DOP1A: variants seen among roughly 807,000 people sequenced by gnomAD.
The protein encoded by DOP1A is protein DOP1A.
A neutral mutation model predicts 267.6 loss-of-function variants in DOP1A; 90 were observed. The observed-to-expected ratio is 0.34, with a 90% CI of 0.28 to 0.40. The LOEUF (loss-of-function observed/expected upper bound fraction) is 0.40, where lower values mean the gene tolerates loss of function less well. Ranked by LOEUF, DOP1A falls within the 10% of genes least tolerant of loss-of-function variation. The pLI, the probability that DOP1A is intolerant of heterozygous loss-of-function variation, is 1.00. For synonymous variants in DOP1A, 932 were observed against 999.1 expected, an observed-to-expected ratio of 0.93 and a Z score of 1.27; for missense variants, 2,437 against 2,900.4, an observed-to-expected ratio of 0.84 and a Z score of 3.67.
intron 1 of DOP1A, among the ~76,000 whole-genome samples, chr6:83,089,330 G>A (rs957552373): frequency 6.6e-6 from 1 of 152,178 alleles, no homozygotes; most frequent in African/African-American, 2.4e-5. Flanking sequence ...ATGCTATAAA[G>A]TGTAAAAACA....
Position 83,138,342 on chromosome 6 carries a change from G to T in DOP1A, c.4300G>T (p.Asp1434Tyr), listed in dbSNP as rs760849989. 1.4e-5 allele frequency: 23 copies of T among 1,611,434 alleles called. No individual in the cohort carries two copies. Among genetic ancestry groups the T allele is most frequent in the Non-Finnish European group, 1.8e-5 (21 of 1,179,930 alleles). Residue 1434 changes from aspartate to tyrosine, a missense_variant, in exon 21 of 39, where the codon GAT (aspartate) becomes TAT (tyrosine). Asp to Tyr is a radical substitution (Grantham distance 160). Coordinates refer to ENST00000349129, the MANE Select transcript of DOP1A (RefSeq NM_015018.4). ...ARHRISVMGK[D>Y]FYSHIPVDSN... Reference sequence around the variant, plus strand: ...ACACCGGATTTCTGTTATGGGCAAAGATTTTTATAGTCACATTCCAGTGGA... The same window carrying T: ...ACACCGGATTTCTGTTATGGGCAAATATTTTTATAGTCACATTCCAGTGGA...
chr6:83,117,104 A>T (rs1775565539), intron 7 of DOP1A, among the ~76,000 whole-genome samples: 1 of 147,142 alleles, frequency 6.8e-6, no homozygotes, highest in Non-Finnish European at 1.5e-5. Flanking sequence ...ATACATCAGA[A>T]GTAATTTTAG....
rs76017713 is a variant in DOP1A at position 83,123,618 on chromosome 6, A to G, written c.1340+636A>G. 4.5e-3 allele frequency among the ~76,000 whole-genome samples: 683 copies of G among 152,160 alleles called. 4 individuals carry two copies. Among genetic ancestry groups the G allele is most frequent in the Non-Finnish European group, 7.8e-3 (530 of 67,946 alleles). The stretch of plus-strand genomic sequence containing the variant: ...ATAAAAAATGTTAATTGTTGCTCCT[A>G]CACATTAATCTCTTTAGTGGTTTAG... On this transcript the variant is annotated intron_variant, in intron 12 of 38. Transcript: ENST00000349129.
In DOP1A at chr6:83,096,949, A is replaced by G. The variant is rs1230022743; in HGVS notation, c.-29A>G. On this transcript the variant is annotated 5_prime_UTR_variant, in exon 3 of 39. Coordinates refer to ENST00000349129, the MANE Select transcript of DOP1A (RefSeq NM_015018.4). The stretch of plus-strand genomic sequence containing the variant: ...GGTAATGACTTTACATGAGTTTGGA[A>G]CTGGTCTCTAGTGGGAAGTTGTGGG... 1 of 1,610,622 alleles carries G rather than the reference A, an allele frequency of 6.2e-7. No individual in the cohort carries two copies. The highest frequency in any genetic ancestry group is 1.7e-5 in the Admixed American group (1 of 59,370).
intron 4 of DOP1A, among the ~76,000 whole-genome samples, chr6:83,107,476 G>C (rs1318601250): frequency 6.6e-6 from 1 of 152,182 alleles, no homozygotes; most frequent in Non-Finnish European, 1.5e-5. Context: ...TAATTCATTT[G>C]TTCATCACTT....
At position 83,074,857 on chromosome 6, in the gene DOP1A, G is replaced by A. The variant is rs1204561046; in HGVS notation, c.-147+7078G>A. ...AGGCCAAGGCCAGAGGATTGCTTGAGCCCAGCAATGCTAAATGAAATGTTG... is the reference window on the plus strand; with the variant it reads ...AGGCCAAGGCCAGAGGATTGCTTGAACCCAGCAATGCTAAATGAAATGTTG... On this transcript the variant is annotated intron_variant, in intron 1 of 38. Transcript: ENST00000349129. Among the ~76,000 whole-genome samples, 13 of 152,154 alleles carry A rather than the reference G, an allele frequency of 8.5e-5. No individual in the cohort carries two copies. In the South Asian group the frequency reaches 1.2e-3, roughly 15 times the overall value.
rs776947430 is a variant in DOP1A, at chr6:83,168,157, T to C, written c.7388T>C (p.Ile2463Thr). ...MVEKDFLEGMIKT is the reference protein window; with the variant it reads ...MVEKDFLEGMTKT ...GAAAAAGATTTTCTGGAAGGGATGA[T>C]AAAAACTTGAGCACCATTGCTGGTT... Residue 2463 changes from isoleucine (I) to threonine (T), a missense_variant, in exon 39 of 39, where the codon ATA (isoleucine) becomes ACA (threonine). Transcript: ENST00000349129. The C allele has an allele frequency of 1.9e-6, 3 of 1,611,670 alleles. No individual in the cohort carries two copies. Among genetic ancestry groups the C allele is most frequent in the African/African-American group, 2.7e-5 (2 of 74,660 alleles).
At chr6:83,109,689 G>A (rs1019006811) in intron 5 of DOP1A, among the ~76,000 whole-genome samples, 3 of 152,010 alleles carry the variant, frequency 2.0e-5, no homozygotes, top group Non-Finnish European at 4.4e-5. Flanking sequence ...TATTATTTTC[G>A]GGGAGTTAAT....
chr6:83,107,449 G>C (rs1489576290), intron 4 of DOP1A, among the ~76,000 whole-genome samples: 2 of 152,108 alleles, frequency 1.3e-5, no homozygotes, highest in African/African-American at 4.8e-5. Context: ...TTATAAACTA[G>C]GAGCAAGAGA....
At chr6:83,127,354 GGTCA>G (rs1182725932) in intron 15 of DOP1A, among the ~76,000 whole-genome samples, 2 of 152,150 alleles carry the variant, frequency 1.3e-5, no homozygotes, top group Non-Finnish European at 2.9e-5. Flanking sequence ...TAGAAGATGA[GGTCA>G]GTTAGGTTTG....
intron 1 of DOP1A, among the ~76,000 whole-genome samples, 168 bp downstream of exon 1, chr6:83,067,947 C>T (rs948707466): frequency 3.3e-5 from 5 of 152,206 alleles, no homozygotes; most frequent in African/African-American, 1.2e-4. Context: ...AGCTGGTCGG[C>T]CGCCCTCTGG....
At chr6:83,135,225 C>T (rs1778697359) in intron 19 of DOP1A, among the ~76,000 whole-genome samples, 1 of 151,826 alleles carries the variant, frequency 6.6e-6, no homozygotes, top group Non-Finnish European at 1.5e-5. Flanking sequence ...CTTTGGCTCA[C>T]AAGGAGAGTG....
intron 24 of DOP1A, 92 bp from the exon 25 acceptor site, chr6:83,145,432 A>G (rs1407912961): frequency 1.0e-5 from 12 of 1,168,848 alleles, no homozygotes; most frequent in Admixed American, 3.2e-5. Flanking sequence ...AAAAAATATA[A>G]AAAAAGAAGA....
At chr6:83,143,112 A>G (rs1262704412) in intron 24 of DOP1A, among the ~76,000 whole-genome samples, 1 of 152,180 alleles carries the variant, frequency 6.6e-6, no homozygotes, top group Non-Finnish European at 1.5e-5. Flanking sequence ...AGTAAAGAAC[A>G]TTTGATTTAA....
intron 7 of DOP1A, among the ~76,000 whole-genome samples, chr6:83,116,693 C>G (rs534491584): frequency 5.9e-5 from 9 of 152,182 alleles, no homozygotes. Context: ...TGCCTGTAAC[C>G]CCAGCTACTC....
intron 1 of DOP1A, among the ~76,000 whole-genome samples, chr6:83,075,906 A>G (rs996944411): frequency 6.6e-6 from 1 of 152,236 alleles, no homozygotes; most frequent in Non-Finnish European, 1.5e-5. Flanking sequence ...AACATAGGAG[A>G]AAAGCTTTAT....
At chr6:83,078,508 C>T (rs1023478809) in intron 1 of DOP1A, among the ~76,000 whole-genome samples, 5 of 152,164 alleles carry the variant, frequency 3.3e-5, no homozygotes, top group African/African-American at 9.7e-5. Context: ...GAAAAATGCA[C>T]ATTTGTAGAC....
chr6:83,137,121 A>G, intron 20 of DOP1A, 52 bp from the exon 21 acceptor site: 2 of 1,443,258 alleles, frequency 1.4e-6, no homozygotes, highest in Non-Finnish European at 1.8e-6. Context: ...CATTTCAATT[A>G]TTTTAATGCA....
Position 83,162,735 on chromosome 6 carries a change from C to T in DOP1A, c.6963-55C>T, listed in dbSNP as rs1194846385. The T allele has an allele frequency of 5.2e-6, 8 of 1,543,732 alleles. No individual in the cohort carries two copies. The African/African-American group carries it at 1.1e-4, about 21-fold the overall frequency. ...TTTCTACTACATTATGTGGCCTAAT[C>T]TTAGATGGCACAAAGTCTGTCTTAC... On this transcript the variant is annotated intron_variant, in intron 37 of 38. Coordinates refer to ENST00000349129, the MANE Select transcript of DOP1A (RefSeq NM_015018.4).
Sources: gnomAD v4.1 joint callset for allele counts (sites outside exome capture counted in the v4.1 genomes callset) on GRCh38, gnomAD v4.1.1 for gene constraint, MANE v1.5 for transcripts, NCBI Gene and HGNC (gene_info 2026-07-23, HGNC 2026-07-21) for gene names.